Variants in TNFSF4 observed in about 807,000 individuals in gnomAD.
TNFSF4 encodes tumor necrosis factor ligand superfamily member 4.
Under a neutral mutation model 7.3 loss-of-function variants are expected in TNFSF4, and 4 were observed. That is an observed-to-expected ratio of 0.55 (90% CI 0.27 to 1.25). The LOEUF (loss-of-function observed/expected upper bound fraction) is 1.25, where lower values mean the gene tolerates loss of function less well. Ranked by LOEUF, TNFSF4 falls within the 50% of genes most tolerant of loss-of-function variation. The probability of loss-of-function intolerance (pLI) is 0.12; values close to 1 mark genes in which losing one functional copy is unlikely to be tolerated. For missense variants in TNFSF4, 181 were observed against 208.8 expected (o/e 0.87, Z 0.82); for synonymous variants, 76 against 83.7 (o/e 0.91, Z 0.50).
the TNFSF4 span, among the ~76,000 whole-genome samples, chr1:173,263,322 A>T: frequency 6.6e-6 from 1 of 152,238 alleles, no homozygotes; most frequent in East Asian, 1.9e-4. Flanking sequence ...CCAAATAGCC[A>T]AGACAATCCT....
chr1:173,390,887 A>C, the TNFSF4 span, among the ~76,000 whole-genome samples: 1 of 151,790 alleles, frequency 6.6e-6, no homozygotes, highest in Non-Finnish European at 1.5e-5. Flanking sequence ...CTGGAATTAC[A>C]GGTGCCTGCC....
chr1:173,330,104 A>G, the TNFSF4 span, among the ~76,000 whole-genome samples: 5 of 152,184 alleles, frequency 3.3e-5, no homozygotes, highest in African/African-American at 7.2e-5. Flanking sequence ...CAAAAAATAA[A>G]TAAGTCCAAT....
the TNFSF4 span, among the ~76,000 whole-genome samples, chr1:173,424,226 T>C: frequency 2.0e-5 from 3 of 152,222 alleles, no homozygotes; most frequent in African/African-American, 7.2e-5. Flanking sequence ...CTAGACAAAG[T>C]ATTTCTTCTC....
At chr1:173,311,580 G>A in the TNFSF4 span, among the ~76,000 whole-genome samples, 1 of 152,020 alleles carries the variant, frequency 6.6e-6, no homozygotes, top group Non-Finnish European at 1.5e-5. Flanking sequence ...CTCACTGGTG[G>A]AACTGGGAAG....
At chr1:173,334,712 G>T in the TNFSF4 span, among the ~76,000 whole-genome samples, 8 of 152,218 alleles carry the variant, frequency 5.3e-5, no homozygotes, top group East Asian at 1.5e-3. Flanking sequence ...CTTCTTTGCC[G>T]GTGGAAGAGG....
the TNFSF4 span, among the ~76,000 whole-genome samples, chr1:173,426,943 A>G: frequency 6.6e-6 from 1 of 152,084 alleles, no homozygotes; most frequent in Non-Finnish European, 1.5e-5. Context: ...AGAGAGAGAG[A>G]CTGGAAGATG....
the TNFSF4 span, among the ~76,000 whole-genome samples, chr1:173,407,967 A>G: frequency 6.6e-6 from 1 of 152,160 alleles, no homozygotes; most frequent in Non-Finnish European, 1.5e-5. Context: ...AGAGGCTCAG[A>G]GAACTGCCTT....
At chr1:173,194,125 A>T (rs779044993) in intron 1 of TNFSF4, among the ~76,000 whole-genome samples, 29 of 152,228 alleles carry the variant, frequency 1.9e-4, no homozygotes, top group Non-Finnish European at 3.7e-4. Context: ...TTTATCTTCA[A>T]CCACACCCTG....
chr1:173,249,679 A>C, the TNFSF4 span, among the ~76,000 whole-genome samples: 1 of 152,194 alleles, frequency 6.6e-6, no homozygotes. Context: ...CAGTATATTA[A>C]CAGTTCATGT....
At chr1:173,355,228 C>A in the TNFSF4 span, among the ~76,000 whole-genome samples, 1 of 152,142 alleles carries the variant, frequency 6.6e-6, no homozygotes, top group Non-Finnish European at 1.5e-5. Context: ...GATATTGGGC[C>A]GACCTGGATG....
the TNFSF4 span, among the ~76,000 whole-genome samples, chr1:173,380,133 C>A: frequency 0.7 from 106,187 of 151,518 alleles, 37,344 homozygotes; most frequent in African/African-American, 0.77. Flanking sequence ...TCCGAGGAAT[C>A]CTGGGACAGC....
the TNFSF4 span, among the ~76,000 whole-genome samples, chr1:173,380,389 C>T: frequency 2.0e-5 from 3 of 152,028 alleles, no homozygotes; most frequent in African/African-American, 7.2e-5. Context: ...AAAAAATGCC[C>T]ACCCAGTCCA....
chr1:173,365,828 G>A, the TNFSF4 span, among the ~76,000 whole-genome samples: 13 of 152,252 alleles, frequency 8.5e-5, no homozygotes, highest in East Asian at 2.1e-3. Context: ...TGTTTCATAT[G>A]GAACCACCAA....
chr1:173,317,712 C>T, the TNFSF4 span, among the ~76,000 whole-genome samples: 1 of 152,084 alleles, frequency 6.6e-6, no homozygotes, highest in Non-Finnish European at 1.5e-5. Context: ...ATAGGAAAAC[C>T]TAATTCTATT....
At chr1:173,274,772 A>G in the TNFSF4 span, among the ~76,000 whole-genome samples, 2 of 152,118 alleles carry the variant, frequency 1.3e-5, no homozygotes, top group Non-Finnish European at 2.9e-5. Context: ...AACTATATTC[A>G]TTTTCTCACC....
At chr1:173,380,126 G>A in the TNFSF4 span, among the ~76,000 whole-genome samples, 2 of 152,200 alleles carry the variant, frequency 1.3e-5, no homozygotes, top group African/African-American at 2.4e-5. Flanking sequence ...GTTACTATCC[G>A]AGGAATCCTG....
the TNFSF4 span, among the ~76,000 whole-genome samples, chr1:173,358,057 T>G: frequency 2.8e-5 from 4 of 145,166 alleles, no homozygotes; most frequent in African/African-American, 1.0e-4. Context: ...GGGGGGGGTA[T>G]CCTGGATTAG....
the TNFSF4 span, among the ~76,000 whole-genome samples, chr1:173,422,505 C>T: frequency 5.5e-3 from 837 of 152,014 alleles, 6 homozygotes; most frequent in African/African-American, 0.018. Context: ...ATACCCAGTA[C>T]GGCATGGGAG....
the TNFSF4 span, among the ~76,000 whole-genome samples, chr1:173,330,328 A>G: frequency 1.3e-5 from 2 of 150,834 alleles, no homozygotes; most frequent in Non-Finnish European, 3.0e-5. Context: ...TTAATGGTAT[A>G]TTATATATTG....
Sources: gnomAD v4.1 joint callset for allele counts (sites outside exome capture counted in the v4.1 genomes callset) on GRCh38, gnomAD v4.1.1 for gene constraint, MANE v1.5 for transcripts, NCBI Gene and HGNC (gene_info 2026-07-23, HGNC 2026-07-21) for gene names.